Variants in VTI1A observed in about 807,000 individuals in gnomAD.
VTI1A encodes the protein vesicle transport through interaction with t-SNAREs 1A.
VTI1A carries 22 observed loss-of-function variants against 34.9 expected under a neutral mutation model. The ratio of observed to expected loss-of-function variants is 0.63; its 90% CI spans 0.45 to 0.90. The LOEUF is 0.90. VTI1A is among the 40% of genes least tolerant of loss of function. The pLI, the probability that VTI1A is intolerant of heterozygous loss-of-function variation, is 0.00. For missense variants in VTI1A, 268 were observed against 275.6 expected, an observed-to-expected ratio of 0.97 and a Z score of 0.20; for synonymous variants, 87 against 97.3, an observed-to-expected ratio of 0.89 and a Z score of 0.62.
chr10:112,638,328 A>G (rs1846439404), intron 5 of VTI1A, among the ~76,000 whole-genome samples: 1 of 152,246 alleles, frequency 6.6e-6, no homozygotes, highest in African/African-American at 2.4e-5. Flanking sequence ...TGAAAAAATA[A>G]TGCTGGACAA....
At chr10:112,799,709 T>G (rs898060670) in intron 7 of VTI1A, among the ~76,000 whole-genome samples, 2 of 151,906 alleles carry the variant, frequency 1.3e-5, no homozygotes, top group Non-Finnish European at 2.9e-5. Flanking sequence ...GAACCCAGAG[T>G]TCACCTGCGC....
the VTI1A span, chr10:112,824,531 C>G: frequency 6.5e-6 from 1 of 152,740 alleles, no homozygotes; most frequent in Non-Finnish European, 1.5e-5. Context: ...GCCGAGATCG[C>G]GCCACTGCAC....
intron 7 of VTI1A, among the ~76,000 whole-genome samples, chr10:112,673,621 T>G (rs1847933699): frequency 6.6e-6 from 1 of 152,258 alleles, no homozygotes; most frequent in Non-Finnish European, 1.5e-5. Context: ...CAGTATTAAA[T>G]GCAGTTGACC....
At chr10:112,566,263 C>T (rs559951137) in intron 5 of VTI1A, among the ~76,000 whole-genome samples, 2 of 152,182 alleles carry the variant, frequency 1.3e-5, no homozygotes, top group South Asian at 2.1e-4. Context: ...TTGAGACTAG[C>T]TAACATATAA....
chr10:112,722,472 C>A, intron 7 of VTI1A, among the ~76,000 whole-genome samples: 1 of 151,960 alleles, frequency 6.6e-6, no homozygotes, highest in African/African-American at 2.4e-5. Flanking sequence ...AACAAACCTG[C>A]ACATTGTGCA....
At chr10:112,568,907 C>T (rs1032313644) in intron 5 of VTI1A, among the ~76,000 whole-genome samples, 1 of 152,074 alleles carries the variant, frequency 6.6e-6, no homozygotes, top group Non-Finnish European at 1.5e-5. Context: ...ATGATCCCAA[C>T]ACTTTGGGGG....
At chr10:112,486,289 G>T (rs578174008) in intron 3 of VTI1A, among the ~76,000 whole-genome samples, 68 of 152,246 alleles carry the variant, frequency 4.5e-4, no homozygotes, top group African/African-American at 1.5e-3. Context: ...CTACCTTTGA[G>T]AATTTTTGCA....
At chr10:112,643,971 T>C (rs553752478) in intron 5 of VTI1A, among the ~76,000 whole-genome samples, 199 of 148,186 alleles carry the variant, frequency 1.3e-3, no homozygotes, top group Non-Finnish European at 2.3e-3. Flanking sequence ...TATGGCAGCA[T>C]AATGAATAGG....
intron 3 of VTI1A, among the ~76,000 whole-genome samples, chr10:112,514,342 A>G (rs1215779504): frequency 6.6e-6 from 1 of 151,516 alleles, no homozygotes; most frequent in Non-Finnish European, 1.5e-5. Flanking sequence ...TTCAGTTGTA[A>G]TGTCTCCTCT....
intron 5 of VTI1A, among the ~76,000 whole-genome samples, chr10:112,595,375 A>G (rs1256934718): frequency 1.3e-5 from 2 of 150,820 alleles, no homozygotes; most frequent in African/African-American, 2.4e-5. Context: ...TGAACAGGCA[A>G]CCTACAAAAT....
chr10:112,657,074 G>A (rs1441420869), intron 5 of VTI1A, among the ~76,000 whole-genome samples: 1 of 152,066 alleles, frequency 6.6e-6, no homozygotes, highest in Non-Finnish European at 1.5e-5. Flanking sequence ...AGGCCTCCCT[G>A]GAAGAAGAAG....
intron 7 of VTI1A, among the ~76,000 whole-genome samples, chr10:112,690,076 G>A (rs371849991): frequency 6.6e-6 from 1 of 152,152 alleles, no homozygotes; most frequent in East Asian, 1.9e-4. Context: ...ATTAATCCAT[G>A]TAGTTGCATA....
Position 112,815,315 on chromosome 10 carries a change from G to T in VTI1A, c.586G>T (p.Val196Phe), listed in dbSNP as rs746061602. 2 of 1,613,616 alleles carry T rather than the reference G, an allele frequency of 1.2e-6. No homozygotes were observed. The highest frequency in any genetic ancestry group is 1.7e-6 in the Non-Finnish European group (2 of 1,179,936). The change falls in exon 8 of 8, where the codon GTC (valine) becomes TTC (phenylalanine). Residue 196 changes from valine to phenylalanine, a missense_variant. Val to Phe is a conservative substitution (Grantham distance 50, BLOSUM62 -1). Transcript: ENST00000393077. ...RRIIQNRILL[V>F]ILGIIVVITI... is the part of the protein sequence containing the mutation. ...AATCATCCAGAACCGCATCCTGCTC[G>T]TCATCCTAGGGATCATCGTGGTCAT...
intron 1 of VTI1A, among the ~76,000 whole-genome samples, chr10:112,456,847 T>C (rs1354968286): frequency 6.6e-6 from 1 of 152,176 alleles, no homozygotes; most frequent in Non-Finnish European, 1.5e-5. Flanking sequence ...GCTCAAGACT[T>C]TGCTTTAGCA....
chr10:112,560,887 G>A (rs1411747666), intron 5 of VTI1A, among the ~76,000 whole-genome samples: 3 of 152,072 alleles, frequency 2.0e-5, no homozygotes, highest in East Asian at 1.9e-4. Context: ...GTGAGCCACC[G>A]CGCCTGGCCA....
Position 112,815,256 on chromosome 10 carries a change from CTGTG to C in VTI1A, c.561-28_561-25del, listed in dbSNP as rs757630981. ...GTTTGTGGGAAGGCCTTCCACTTAT[CTGTG>C]TGTGTTTTTTCTCCTTTGCTGTCTC... On this transcript the variant is annotated intron_variant, in intron 7 of 7. Coordinates refer to ENST00000393077, the MANE Select transcript of VTI1A (RefSeq NM_145206.4). The C allele has an allele frequency of 3.2e-6, 5 of 1,554,308 alleles. No homozygotes were observed. The South Asian group carries it at 4.5e-5, about 14-fold the overall frequency.
At chr10:112,467,858 T>C (rs547312670) in intron 3 of VTI1A, among the ~76,000 whole-genome samples, 1 of 152,352 alleles carries the variant, frequency 6.6e-6, no homozygotes, top group East Asian at 1.9e-4. Context: ...TACTATGGTG[T>C]GTCAGGCACT....
intron 5 of VTI1A, among the ~76,000 whole-genome samples, chr10:112,655,652 G>C (rs1407544366): frequency 6.6e-6 from 1 of 152,180 alleles, no homozygotes; most frequent in Non-Finnish European, 1.5e-5. Flanking sequence ...GACTACAACT[G>C]TATAGATGTA....
At chr10:112,659,721 ACACACGCG>A (rs1406584612) in intron 5 of VTI1A, among the ~76,000 whole-genome samples, 2 of 152,222 alleles carry the variant, frequency 1.3e-5, no homozygotes, top group African/African-American at 4.8e-5. Context: ...ACACACACAC[ACACACGCG>A]CACGCGCGTG....
Sources: allele counts gnomAD v4.1 joint callset (sites outside exome capture counted in the v4.1 genomes callset), GRCh38; gene constraint gnomAD v4.1.1; transcripts MANE v1.5; gene names NCBI Gene and HGNC (gene_info 2026-07-23, HGNC 2026-07-21).